C1QL2: variants seen among roughly 807,000 people sequenced by gnomAD.
C1QL2 encodes complement C1q like 2.
A neutral mutation model predicts 16.6 loss-of-function variants in C1QL2; 13 were observed. The ratio of observed to expected loss-of-function variants is 0.78; its 90% CI spans 0.51 to 1.25. The LOEUF is 1.25. Among genes scored for constraint, C1QL2 ranks in the 50% most tolerant of loss-of-function variants. The pLI, the probability that C1QL2 is intolerant of heterozygous loss-of-function variation, is 0.00. For synonymous variants in C1QL2, 210 were observed against 183.2 expected, an observed-to-expected ratio of 1.15 and a Z score of -1.18; for missense variants, 396 against 409.6, an observed-to-expected ratio of 0.97 and a Z score of 0.29.
At position 119,158,364 on chromosome 2, in the gene C1QL2, G is replaced by T; in HGVS notation, c.-95C>A. Reference sequence around the variant, plus strand: ...CACCAGCTCCTCCTTGCCGCCCGGGGAGGTAATGGTGGGGCGGCGCGGGCG... The same window carrying T: ...CACCAGCTCCTCCTTGCCGCCCGGGTAGGTAATGGTGGGGCGGCGCGGGCG... On this transcript the variant is annotated 5_prime_UTR_variant, in exon 1 of 2. Transcript: ENST00000272520. The T allele has an allele frequency of 2.6e-6, 3 of 1,135,142 alleles. No homozygotes were observed. In the South Asian group the frequency reaches 9.6e-5, roughly 36 times the overall value. 70.3% of individuals were successfully genotyped at this position (1,135,142 alleles called of 1,614,324 possible).
chr2:119,156,973 G>T lies in C1QL2; in HGVS notation c.693C>A (p.Ala231=), dbSNP rs1418404349. The T allele has an allele frequency of 3.1e-6, 5 of 1,613,704 alleles. No individual in the cohort carries two copies. Among genetic ancestry groups the T allele is most frequent in the Non-Finnish European group, 4.2e-6 (5 of 1,179,912 alleles). ...ADLCKNGQVR[A]SAIAQDADQN... ...GGTCGGCGTCCTGTGCAATGGCGCTGGCCCGGACCTGGGGACAAGCGGTGG... is the reference window on the plus strand; with the variant it reads ...GGTCGGCGTCCTGTGCAATGGCGCTTGCCCGGACCTGGGGACAAGCGGTGG... The change falls in exon 2 of 2, where the codon GCC becomes GCA. Residue 231 remains alanine (A), a synonymous_variant. Transcript: ENST00000272520.
Position 119,156,749 on chromosome 2 carries a change from CCGGGCGG to C in C1QL2, c.*46_*52del. The C allele has an allele frequency of 6.3e-7, 1 of 1,574,952 alleles. No individual in the cohort carries two copies. The highest frequency in any genetic ancestry group is 1.4e-5 in the African/African-American group (1 of 73,126). ...AGTGGCCTTTGCCAAGGAGCCGCGC[CCGGGCGG>C]AGACCGGGCGGCCTGCAGCCACCCC... is the stretch of plus-strand genomic sequence containing the variant. On this transcript the variant is annotated 3_prime_UTR_variant, in exon 2 of 2. Coordinates refer to ENST00000272520, the MANE Select transcript of C1QL2 (RefSeq NM_182528.4).
chr2:119,157,947 T>C lies in C1QL2; in HGVS notation c.323A>G (p.Lys108Arg). The change falls in exon 1 of 2, where the codon AAG (lysine) becomes AGG (arginine). Residue 108 changes from lysine (K) to arginine (R), a missense_variant. By Grantham distance (26) the Lys-to-Arg change is conservative (BLOSUM62 2). Around this residue, in one of 2 missense-constraint regions of C1QL2, gnomAD observed 353 missense variants for 334.8 expected, o/e 1.05. Transcript: ENST00000272520. ...PPGPRGPPGE[K>R]GDSGRPGLPG... The stretch of plus-strand genomic sequence containing the variant: ...CAGCCCGGGCCGCCCCGAGTCGCCC[T>C]TCTCTCCCGGAGGGCCCCTGGGTCC... The C allele has an allele frequency of 1.3e-6, 2 of 1,537,862 alleles. No homozygotes were observed. Among genetic ancestry groups the C allele is most frequent in the Non-Finnish European group, 1.8e-6 (2 of 1,140,408 alleles).
Position 119,157,748 on chromosome 2 carries a change from C to T in C1QL2, c.522G>A (p.Val174=). ...GLKSPHEGYE[V]LKFDDVVTNL... ...TGGTGACCACGTCATCGAACTTCAGCACCTCATAGCCTTCGTGGGGGCTCT... is the reference window on the plus strand; with the variant it reads ...TGGTGACCACGTCATCGAACTTCAGTACCTCATAGCCTTCGTGGGGGCTCT... The change falls in exon 1 of 2, where the codon GTG becomes GTA. Residue 174 remains valine (V), a synonymous_variant. Transcript: ENST00000272520. 6.2e-7 allele frequency: 1 copy of T among 1,613,928 alleles called. No individual in the cohort carries two copies. Among genetic ancestry groups the T allele is most frequent in the East Asian group, 2.2e-5 (1 of 44,868 alleles).
chr2:119,156,990 A>G lies in C1QL2; in HGVS notation c.685-9T>C. ...ATGGCGCTGGCCCGGACCTGGGGAC[A>G]AGCGGTGGGAGCAGGTGAGCCGGGG... is the stretch of plus-strand genomic sequence containing the variant. On this transcript the variant is annotated splice_polypyrimidine_tract_variant and intron_variant, in intron 1 of 1. Transcript: ENST00000272520. 2 of 1,613,178 alleles carry G rather than the reference A, an allele frequency of 1.2e-6. No homozygotes were observed.
chr2:119,158,123 C>A lies in C1QL2; in HGVS notation c.147G>T (p.Ala49=). Reference sequence around the variant, plus strand: ...CGGCGGTGCTGGGTCCGGGTGGCTGCGCCTTTGCACCCGGGGGCTCCCCGC... The same window carrying A: ...CGGCGGTGCTGGGTCCGGGTGGCTGAGCCTTTGCACCCGGGGGCTCCCCGC... ...APGGEPPGAK[A]QPPGPSTAAL... Residue 49 remains alanine, a synonymous_variant, in exon 1 of 2, where the codon GCG becomes GCT. Transcript: ENST00000272520. The A allele has an allele frequency of 1.9e-6, 3 of 1,544,050 alleles. No homozygotes were observed. The highest frequency in any genetic ancestry group is 1.4e-5 in the African/African-American group (1 of 70,620).
At position 119,158,243 on chromosome 2, in the gene C1QL2, C is replaced by T; in HGVS notation, c.27G>A (p.Val9=). 6.4e-7 allele frequency: 1 copy of T among 1,570,694 alleles called. No individual in the cohort carries two copies. Among genetic ancestry groups the T allele is most frequent in the Non-Finnish European group, 8.6e-7 (1 of 1,163,926 alleles). ...GGGGCGCCGCCTGCAGCAGCAGCGGCACGGCGATGAGCAGCCCGAGCGCCA... is the reference window on the plus strand; with the variant it reads ...GGGGCGCCGCCTGCAGCAGCAGCGGTACGGCGATGAGCAGCCCGAGCGCCA... MALGLLIA[V]PLLLQAAPRG... is the part of the protein sequence containing the mutation. Residue 9 remains valine, a synonymous_variant, in exon 1 of 2, where the codon GTG becomes GTA. Coordinates refer to ENST00000272520, the MANE Select transcript of C1QL2 (RefSeq NM_182528.4).
rs568646862 is a variant in C1QL2 at position 119,156,469 on chromosome 2, T to A, written c.*333A>T. On this transcript the variant is annotated 3_prime_UTR_variant, in exon 2 of 2. Transcript: ENST00000272520. ...GCCAGGGCCCGGAGCCCTCCGCTTCTAGGCACTGGGAGGAGGCTGTCTGAG... is the reference window on the plus strand; with the variant it reads ...GCCAGGGCCCGGAGCCCTCCGCTTCAAGGCACTGGGAGGAGGCTGTCTGAG... The A allele has an allele frequency of 4.6e-4, 91 of 197,094 alleles. No homozygotes were observed. Among genetic ancestry groups the A allele is most frequent in the African/African-American group, 1.9e-3 (84 of 43,308 alleles). The allele number at this position is 197,094 out of a possible 1,614,324, so 12.2% of individuals were successfully genotyped here.
chr2:119,157,863 GC>G lies in C1QL2; in HGVS notation c.406del (p.Ala136ProfsTer3). ...ASGVGVVGGGAGVGGDSEGEV... is the reference protein window; with the variant it reads ...ASGVGVVGGGXGVGGDSEGEV... ...ACCCTCGGAATCGCCACCTACCCCG[GC>G]CCCGCCGCCCACCACCCCGACGCCG... On this transcript the variant is annotated frameshift_variant, in exon 1 of 2. Coordinates refer to ENST00000272520, the MANE Select transcript of C1QL2 (RefSeq NM_182528.4). LOFTEE classifies it high-confidence loss of function. 1 of 1,583,150 alleles carries G rather than the reference GC, an allele frequency of 6.3e-7. No individual in the cohort carries two copies. The highest frequency in any genetic ancestry group is 8.6e-7 in the Non-Finnish European group (1 of 1,165,436).
Position 119,157,742 on chromosome 2 carries a change from C to T in C1QL2, c.528G>A (p.Lys176=), listed in dbSNP as rs1413458701. 42 of 1,613,960 alleles carry T rather than the reference C, an allele frequency of 2.6e-5. No individual in the cohort carries two copies. The highest frequency in any genetic ancestry group is 3.6e-5 in the Non-Finnish European group (42 of 1,179,978). ...KSPHEGYEVL[K]FDDVVTNLGN... is the part of the protein sequence containing the mutation. The stretch of plus-strand genomic sequence containing the variant: ...CGAGGTTGGTGACCACGTCATCGAA[C>T]TTCAGCACCTCATAGCCTTCGTGGG... Residue 176 remains lysine, a synonymous_variant, in exon 1 of 2, where the codon AAG becomes AAA. Transcript: ENST00000272520.
At position 119,158,361 on chromosome 2, in the gene C1QL2, G is replaced by T; in HGVS notation, c.-92C>A. ...CGCCACCAGCTCCTCCTTGCCGCCC[G>T]GGGAGGTAATGGTGGGGCGGCGCGG... is the stretch of plus-strand genomic sequence containing the variant. On this transcript the variant is annotated 5_prime_UTR_variant, in exon 1 of 2. Coordinates refer to ENST00000272520, the MANE Select transcript of C1QL2 (RefSeq NM_182528.4). 2.6e-6 allele frequency: 3 copies of T among 1,151,670 alleles called. No individual in the cohort carries two copies. The South Asian group carries it at 9.2e-5, about 36-fold the overall frequency. The allele number at this position is 1,151,670 out of a possible 1,614,324, so 71.3% of individuals were successfully genotyped here.
In C1QL2 at chr2:119,156,673, G is replaced by A. The variant is rs1362694686; in HGVS notation, c.*129C>T. The A allele has an allele frequency of 9.1e-6, 10 of 1,098,900 alleles. No individual in the cohort carries two copies. Among genetic ancestry groups the A allele is most frequent in the Non-Finnish European group, 1.3e-5 (10 of 787,642 alleles). 68.1% of individuals were successfully genotyped at this position (1,098,900 alleles called of 1,614,324 possible). ...AGGCCAGGAGCGGGGCAGGGAGGAC[G>A]CAGGGATTTGTCTTTTCCAAAGGAG... On this transcript the variant is annotated 3_prime_UTR_variant, in exon 2 of 2. Transcript: ENST00000272520.
rs752963277 is a variant in C1QL2 at position 119,158,019 on chromosome 2, G to T, written c.251C>A (p.Pro84Gln). The change falls in exon 1 of 2, where the codon CCG (proline) becomes CAG (glutamine). Residue 84 changes from proline to glutamine, a missense_variant. By Grantham distance (76) the Pro-to-Gln change is moderately conservative. Around this residue, in one of 2 missense-constraint regions of C1QL2, gnomAD observed 353 missense variants for 334.8 expected, o/e 1.05. Coordinates refer to ENST00000272520, the MANE Select transcript of C1QL2 (RefSeq NM_182528.4). ...GGGCCCCCGCGGCCCTGGCTTGCCC[G>T]GTCGCCCCGGGTCGCCCTTGGGTCC... The part of the protein sequence containing the change: ...IQGPKGDPGR[P>Q]GKPGPRGPPG... The T allele has an allele frequency of 3.9e-6, 6 of 1,526,406 alleles. No homozygotes were observed. The Middle Eastern group carries it at 5.7e-4, about 146-fold the overall frequency. 94.6% of individuals were successfully genotyped at this position (1,526,406 alleles called of 1,614,324 possible). A position where few individuals can be genotyped will look rare whatever the true frequency, so the allele number is the denominator to read the frequency against.
In C1QL2 at chr2:119,158,360, C is replaced by T. The variant is rs1295332674; in HGVS notation, c.-91G>A. 8.6e-7 allele frequency: 1 copy of T among 1,162,130 alleles called. No individual in the cohort carries two copies. The highest frequency in any genetic ancestry group is 1.6e-5 in the African/African-American group (1 of 61,774). The allele number at this position is 1,162,130 out of a possible 1,614,324, so 72.0% of individuals were successfully genotyped here. The stretch of plus-strand genomic sequence containing the variant: ...CCGCCACCAGCTCCTCCTTGCCGCC[C>T]GGGGAGGTAATGGTGGGGCGGCGCG... On this transcript the variant is annotated 5_prime_UTR_variant, in exon 1 of 2. Transcript: ENST00000272520.
Position 119,157,633 on chromosome 2 carries a change from C to T in C1QL2, c.637G>A (p.Gly213Ser). ...YFFTYHILMR[G>S]GDGTSMWADL... ...GCCCACATGCTGGTGCCGTCGCCGC[C>T]GCGCATGAGGATGTGGTAGGTGAAG... Residue 213 changes from glycine (G) to serine (S), a missense_variant, in exon 1 of 2, where the codon GGC becomes AGC. Physicochemically the swap from Gly to Ser is moderately conservative, Grantham distance 56. Coordinates refer to ENST00000272520, the MANE Select transcript of C1QL2 (RefSeq NM_182528.4). 6.2e-7 allele frequency: 1 copy of T among 1,614,164 alleles called. No homozygotes were observed. Among genetic ancestry groups the T allele is most frequent in the African/African-American group, 1.3e-5 (1 of 75,034 alleles).
At position 119,157,694 on chromosome 2, in the gene C1QL2, CG is replaced by C; in HGVS notation, c.575del (p.Thr192ArgfsTer70). On this transcript the variant is annotated frameshift_variant, in exon 1 of 2. Coordinates refer to ENST00000272520, the MANE Select transcript of C1QL2 (RefSeq NM_182528.4). LOFTEE classifies it high-confidence loss of function. ...CGCGTACCTGGCAGCTGAACTTGCC[CG>C]TGGTGGGGTCATAGTGATTGCCGAG... ...TNLGNHYDPT[T>X]GKFSCQVRGI... is the part of the protein sequence containing the mutation. 1 of 1,614,138 alleles carries C rather than the reference CG, an allele frequency of 6.2e-7. No individual in the cohort carries two copies. Among genetic ancestry groups the C allele is most frequent in the Non-Finnish European group, 8.5e-7 (1 of 1,180,006 alleles).
chr2:119,157,505 A>C (rs1677981205), intron 1 of C1QL2, 81 bp downstream of exon 1: 9 of 1,499,816 alleles, frequency 6.0e-6, no homozygotes, highest in African/African-American at 1.4e-5. Context: ...CCGCGGGTGG[A>C]GAGAAAGGAG....
In C1QL2 at chr2:119,156,768, C is replaced by T. The variant is rs1459118271; in HGVS notation, c.*34G>A. ...CCGCGCCCGGGCGGAGACCGGGCGGCCTGCAGCCACCCCGCCTCGCACCCC... is the reference window on the plus strand; with the variant it reads ...CCGCGCCCGGGCGGAGACCGGGCGGTCTGCAGCCACCCCGCCTCGCACCCC... On this transcript the variant is annotated 3_prime_UTR_variant, in exon 2 of 2. Transcript: ENST00000272520. The T allele has an allele frequency of 6.2e-7, 1 of 1,600,148 alleles. No homozygotes were observed. Among genetic ancestry groups the T allele is most frequent in the Non-Finnish European group, 8.5e-7 (1 of 1,173,142 alleles).
chr2:119,157,003 A>G (rs749938857), intron 1 of C1QL2, 22 bp from the exon 2 acceptor site: 1 of 1,610,988 alleles, frequency 6.2e-7, no homozygotes, highest in Non-Finnish European at 8.5e-7. Context: ...CGGTGGGAGC[A>G]GGTGAGCCGG....
Sources: gnomAD v4.1 joint callset for allele counts on GRCh38, gnomAD v4.1.1 for gene constraint, gnomAD v4.1.1 regional missense constraint, MANE v1.5 for transcripts, NCBI Gene and HGNC (gene_info 2026-07-23, HGNC 2026-07-21) for gene names.